Variants in SFXN5 observed in about 807,000 individuals in gnomAD.
SFXN5 encodes sideroflexin-5.
A neutral mutation model predicts 50.2 loss-of-function variants in SFXN5; 43 were observed. The ratio of observed to expected loss-of-function variants is 0.86; its 90% CI spans 0.67 to 1.11. The LOEUF (loss-of-function observed/expected upper bound fraction) is 1.11. Among genes scored for constraint, SFXN5 ranks in the 50% least tolerant of loss-of-function variants. SFXN5 has a pLI of 0.00. For missense variants in SFXN5, 463 were observed against 454.1 expected (o/e 1.02, Z -0.18); for synonymous variants, 203 against 185.8 (o/e 1.09, Z -0.75).
At chr2:73,004,980 G>A (rs1312459376) in intron 6 of SFXN5, among the ~76,000 whole-genome samples, 1 of 152,210 alleles carries the variant, frequency 6.6e-6, no homozygotes, top group African/African-American at 2.4e-5. Context: ...TCCAGAACAT[G>A]GCAGGGGAAA....
chr2:73,050,026 G>T (rs1432748747), intron 2 of SFXN5: 2 of 151,232 alleles, frequency 1.3e-5, no homozygotes, highest in African/African-American at 4.9e-5. Flanking sequence ...AATCCAACAG[G>T]GCAAACAACA....
chr2:73,034,455 C>T (rs1313969827), intron 3 of SFXN5, among the ~76,000 whole-genome samples: 1 of 152,222 alleles, frequency 6.6e-6, no homozygotes, highest in Non-Finnish European at 1.5e-5. Flanking sequence ...CATTGCCTTC[C>T]TGCCAGAGAA....
chr2:72,993,847 G>A (rs1672898822), intron 9 of SFXN5, among the ~76,000 whole-genome samples: 1 of 152,192 alleles, frequency 6.6e-6, no homozygotes, highest in African/African-American at 2.4e-5. Flanking sequence ...GGCAGGGCAT[G>A]CTCTGGGCCA....
intron 1 of SFXN5, 91 bp from the exon 2 acceptor site, chr2:73,058,687 G>T: frequency 3.3e-6 from 4 of 1,201,232 alleles, no homozygotes; most frequent in Non-Finnish European, 4.9e-6. Flanking sequence ...TATGATTGGG[G>T]TCCCCCGGTC....
chr2:73,024,168 C>T (rs1000854207), intron 3 of SFXN5, among the ~76,000 whole-genome samples: 19 of 151,732 alleles, frequency 1.3e-4, no homozygotes, highest in Non-Finnish European at 1.2e-4. Context: ...GGATTACAGG[C>T]GCGCACCACC....
chr2:72,976,219 C>G (rs1223578348), intron 10 of SFXN5, among the ~76,000 whole-genome samples: 1 of 151,972 alleles, frequency 6.6e-6, no homozygotes, highest in Non-Finnish European at 1.5e-5. Context: ...AAGACTTCCA[C>G]TTTTTTACAC....
intron 2 of SFXN5, among the ~76,000 whole-genome samples, chr2:73,044,098 C>T (rs540411982): frequency 6.6e-6 from 1 of 152,324 alleles, no homozygotes; most frequent in South Asian, 2.1e-4. Flanking sequence ...CCCATGTTCT[C>T]ATTATTTTTC....
chr2:73,047,275 T>TATATATATATATATATATATATATAC (rs1300799277), intron 2 of SFXN5, among the ~76,000 whole-genome samples: 9 of 51,736 alleles, frequency 1.7e-4, no homozygotes, highest in Non-Finnish European at 3.1e-4. Context: ...TATATATATA[T>TATATATATATATATATATATATATAC]ACACACATAT....
intron 6 of SFXN5, among the ~76,000 whole-genome samples, chr2:73,013,241 T>C (rs996508448): frequency 6.6e-6 from 1 of 152,166 alleles, no homozygotes; most frequent in Non-Finnish European, 1.5e-5. Flanking sequence ...AATTCAGCTA[T>C]ATTTTGTCCA....
intron 2 of SFXN5, among the ~76,000 whole-genome samples, chr2:73,051,257 C>CTTTTTTTT (rs35074891): frequency 1.7e-4 from 20 of 114,764 alleles, no homozygotes; most frequent in East Asian, 5.5e-4. Context: ...TTTTCCAGCA[C>CTTTTTTTT]TTTTTTTTTT....
chr2:72,963,544 G>A lies in SFXN5; in HGVS notation c.828-2296C>T, dbSNP rs538109855. Among the ~76,000 whole-genome samples the A allele has an allele frequency of 1.7e-4, 26 of 152,162 alleles. No homozygotes were observed. The South Asian group carries it at 3.5e-3, about 21-fold the overall frequency. Reference sequence around the variant, plus strand: ...CACAGTAGGACAGGGGGAAGGGAGGGGGGAGGAAAATGGCAAGGAGGGAAG... The same window carrying A: ...CACAGTAGGACAGGGGGAAGGGAGGAGGGAGGAAAATGGCAAGGAGGGAAG... On this transcript the variant is annotated intron_variant, in intron 12 of 13. Transcript: ENST00000272433.
At position 73,071,655 on chromosome 2, in the gene SFXN5, G is replaced by C. The variant is rs746508100; in HGVS notation, c.51C>G (p.Ser17Arg). The C allele has an allele frequency of 6.2e-7, 1 of 1,613,358 alleles. No individual in the cohort carries two copies. Among genetic ancestry groups the C allele is most frequent in the Non-Finnish European group, 8.5e-7 (1 of 1,179,832 alleles). The change falls in exon 1 of 14, where the codon AGC becomes AGG. Residue 17 changes from serine (S) to arginine (R), a missense_variant. Transcript: ENST00000272433. ...GGAAAGGAGGTGCATCGCTCGAGGC[G>C]CTAGCGGCACTAGCCGCCGCCGCCG... ...TASAAAASAASASSDAPPFQL... is the reference protein window; with the variant it reads ...TASAAAASAARASSDAPPFQL...
At chr2:73,050,132 A>G (rs1681051190) in intron 2 of SFXN5, among the ~76,000 whole-genome samples, 1 of 152,040 alleles carries the variant, frequency 6.6e-6, no homozygotes, top group Non-Finnish European at 1.5e-5. Flanking sequence ...CCCCACCCCC[A>G]TGGCTTTGCC....
intron 3 of SFXN5, among the ~76,000 whole-genome samples, chr2:73,026,382 C>T (rs183250486): frequency 2.0e-5 from 3 of 151,794 alleles, no homozygotes; most frequent in Non-Finnish European, 2.9e-5. Flanking sequence ...CCACTTGCCT[C>T]GGCCTCCCAA....
chr2:73,068,348 G>A (rs1179229208), intron 1 of SFXN5, among the ~76,000 whole-genome samples: 1 of 152,148 alleles, frequency 6.6e-6, no homozygotes, highest in African/African-American at 2.4e-5. Flanking sequence ...TGCCAGGGCA[G>A]GACACAGAGA....
chr2:72,957,154 G>A (rs1673193478), intron 13 of SFXN5: 1 of 444,958 alleles, frequency 2.2e-6, no homozygotes, highest in Non-Finnish European at 4.6e-6. Context: ...CCCATACACT[G>A]AAGGTTCCGT....
rs1417129294 is a variant in SFXN5 at position 72,942,094 on chromosome 2, T to A, written c.*2928A>T. The A allele has an allele frequency of 2.6e-5, 4 of 152,158 alleles. No homozygotes were observed. The South Asian group carries it at 8.3e-4, about 32-fold the overall frequency. 9.4% of individuals were successfully genotyped at this position (152,158 alleles called of 1,614,324 possible). A position where few individuals can be genotyped will look rare whatever the true frequency, so the allele number is the denominator to read the frequency against. On this transcript the variant is annotated 3_prime_UTR_variant, in exon 14 of 14. Coordinates refer to ENST00000272433, the MANE Select transcript of SFXN5 (RefSeq NM_144579.3). ...ATTAGTATTACACAAATCACATAGATTGAGAAATTTTCTGAGGTTAAAAAG... is the reference window on the plus strand; with the variant it reads ...ATTAGTATTACACAAATCACATAGAATGAGAAATTTTCTGAGGTTAAAAAG...
chr2:73,003,912 C>T (rs1674254318), intron 6 of SFXN5, among the ~76,000 whole-genome samples: 1 of 152,208 alleles, frequency 6.6e-6, no homozygotes. Context: ...GGAGTCCATG[C>T]TGGCACCTCT....
intron 13 of SFXN5, among the ~76,000 whole-genome samples, chr2:72,957,422 A>T (rs1299123670): frequency 6.6e-5 from 10 of 152,224 alleles, no homozygotes; most frequent in Non-Finnish European, 8.8e-5. Flanking sequence ...CCAGGAACTG[A>T]AGGAAGGATT....
Sources: gnomAD v4.1 joint callset for allele counts (sites outside exome capture counted in the v4.1 genomes callset) on GRCh38, gnomAD v4.1.1 for gene constraint, MANE v1.5 for transcripts, NCBI Gene and HGNC (gene_info 2026-07-23, HGNC 2026-07-21) for gene names.